The following UTRN variants were observed in gnomAD, a reference collection of about 807,000 sequenced individuals.
UTRN encodes utrophin.
In UTRN, 283 loss-of-function variants were observed where a neutral mutation model predicts 463.9. The ratio of observed to expected loss-of-function variants is 0.61; its 90% CI spans 0.55 to 0.67. The LOEUF is 0.67. Among genes scored for constraint, UTRN ranks in the 30% least tolerant of loss-of-function variants. The pLI is 0.00. For synonymous variants in UTRN, 1,442 were observed against 1,431.5 expected, an observed-to-expected ratio of 1.01 and a Z score of -0.17; for missense variants, 3,922 against 4,084.3, an observed-to-expected ratio of 0.96 and a Z score of 1.08.
chr6:144,692,034 C>T (rs567966044), intron 52 of UTRN, among the ~76,000 whole-genome samples: 1 of 152,256 alleles, frequency 6.6e-6, no homozygotes, highest in South Asian at 2.1e-4. Context: ...TGATCCTCTC[C>T]CTCCTCCCAT....
rs745457267 is a variant in UTRN, at chr6:144,827,647, C to G, written c.9570C>G (p.Thr3190=). 22 of 1,613,370 alleles carry G rather than the reference C, an allele frequency of 1.4e-5. No individual in the cohort carries two copies. In the Admixed American group the frequency reaches 2.0e-4, roughly 15 times the overall value. The change falls in exon 68 of 75, where the codon ACC becomes ACG. Residue 3190 remains threonine (T), a synonymous_variant. Transcript: ENST00000367545. ...CTCCTCAACTGTTTCATGATGACAC[C>G]CATTCAAGAATAGAACAATATGCCA... ...SQSPQLFHDD[T]HSRIEQYATR...
At chr6:144,610,759 T>C (rs921849211) in intron 51 of UTRN, among the ~76,000 whole-genome samples, 1 of 152,034 alleles carries the variant, frequency 6.6e-6, no homozygotes, top group Non-Finnish European at 1.5e-5. Flanking sequence ...CCTGTAATCC[T>C]AGCTACTTGA....
chr6:144,494,847 A>G (rs1452686575), intron 33 of UTRN, among the ~76,000 whole-genome samples: 2 of 151,462 alleles, frequency 1.3e-5, no homozygotes, highest in Non-Finnish European at 2.9e-5. Context: ...CAGAGTGCCA[A>G]TTGGTGTATT....
At chr6:144,618,136 A>G (rs1458130718) in intron 51 of UTRN, among the ~76,000 whole-genome samples, 1 of 152,192 alleles carries the variant, frequency 6.6e-6, no homozygotes, top group Non-Finnish European at 1.5e-5. Flanking sequence ...AGGTACAGAG[A>G]CCATTCAGAG....
At chr6:144,309,077 G>A (rs962030564) in intron 2 of UTRN, among the ~76,000 whole-genome samples, 11 of 152,024 alleles carry the variant, frequency 7.2e-5, no homozygotes, top group African/African-American at 2.7e-4. Context: ...CCTCTCAATA[G>A]CATCAACACT....
Position 144,531,212 on chromosome 6 carries a change from T to C in UTRN, c.6057+10T>C, listed in dbSNP as rs375761721. 2.4e-5 allele frequency: 38 copies of C among 1,613,450 alleles called. No individual in the cohort carries two copies. The highest frequency in any genetic ancestry group is 3.1e-5 in the Non-Finnish European group (36 of 1,179,622). On this transcript the variant is annotated intron_variant, in intron 42 of 74. Coordinates refer to ENST00000367545, the MANE Select transcript of UTRN (RefSeq NM_007124.3). The stretch of plus-strand genomic sequence containing the variant: ...CAGGATACATCAGCAGGTGAGTGCT[T>C]TCTGTTAGAGGAGGGGGACTGCACA...
chr6:144,587,541 C>A (rs1158299763), intron 51 of UTRN, among the ~76,000 whole-genome samples: 1 of 152,156 alleles, frequency 6.6e-6, no homozygotes, highest in African/African-American at 2.4e-5. Context: ...TTTTCATCTA[C>A]ATGTACAGCT....
intron 74 of UTRN, among the ~76,000 whole-genome samples, chr6:144,849,981 T>C (rs1043480064): frequency 1.3e-5 from 2 of 152,212 alleles, no homozygotes; most frequent in Non-Finnish European, 2.9e-5. Context: ...CATATTACAA[T>C]TGAATGAGGC....
At chr6:144,642,065 GAT>G (rs1217450983) in intron 51 of UTRN, among the ~76,000 whole-genome samples, 1 of 152,176 alleles carries the variant, frequency 6.6e-6, no homozygotes, top group Non-Finnish European at 1.5e-5. Context: ...AAAAGATGAT[GAT>G]ATTTTCTTAA....
intron 23 of UTRN, 65 bp from the exon 24 acceptor site, chr6:144,473,655 A>G: frequency 4.0e-6 from 5 of 1,256,740 alleles, no homozygotes; most frequent in Non-Finnish European, 5.7e-6. Flanking sequence ...GTGGCGGTAG[A>G]TCTTGAGATG....
At chr6:144,548,967 A>G in intron 47 of UTRN, 113 bp downstream of exon 47, 1 of 1,102,412 alleles carries the variant, frequency 9.1e-7, no homozygotes, top group Non-Finnish European at 1.3e-6. Flanking sequence ...GGTTTAAAAA[A>G]TTCTGTATCT....
rs1486234668 is a variant in UTRN, at chr6:144,474,708, G to T, written c.3285G>T (p.Val1095=). Residue 1095 remains valine, a synonymous_variant, in exon 25 of 75, where the codon GTG becomes GTT. Transcript: ENST00000367545. ...CAGTTGCTGGAATAAAAACTTGGGT[G>T]CAGACAAGACTAGGTGACTACCAAA... is the stretch of plus-strand genomic sequence containing the variant. ...SGPVAGIKTW[V]QTRLGDYQTQ... 3.7e-6 allele frequency: 6 copies of T among 1,614,078 alleles called. No homozygotes were observed. The South Asian group carries it at 6.6e-5, about 18-fold the overall frequency.
At chr6:144,539,492 T>C in intron 45 of UTRN, 49 bp downstream of exon 45, 1 of 1,516,074 alleles carries the variant, frequency 6.6e-7, no homozygotes, top group South Asian at 1.3e-5. Flanking sequence ...TTGATTTTGT[T>C]GTCAGAGATG....
At chr6:144,377,021 T>C (rs575322625) in intron 2 of UTRN, among the ~76,000 whole-genome samples, 1 of 152,312 alleles carries the variant, frequency 6.6e-6, no homozygotes, top group African/African-American at 2.4e-5. Context: ...TATTTTTCTA[T>C]ACCAAGTCAC....
At chr6:144,812,211 A>T (rs1778680253) in intron 65 of UTRN, among the ~76,000 whole-genome samples, 1 of 141,662 alleles carries the variant, frequency 7.1e-6, no homozygotes, top group South Asian at 2.2e-4. Flanking sequence ...ATTAGAAGTT[A>T]TTTACGGGAT....
chr6:144,482,230 C>T lies in UTRN; in HGVS notation c.3529C>T (p.Gln1177Ter). 1.3e-6 allele frequency: 2 copies of T among 1,501,180 alleles called. No homozygotes were observed. The highest frequency in any genetic ancestry group is 1.8e-6 in the Non-Finnish European group (2 of 1,120,354). 93.0% of individuals were successfully genotyped at this position (1,501,180 alleles called of 1,614,324 possible). The stretch of plus-strand genomic sequence containing the variant: ...ACAGAGGGCAAAAGAGGATGTGTTG[C>T]AGAAGGAGGTGAGAGTGAAGATTCT... ...EMKRAKEDVLQKEVRVKILKD... is the reference protein window; with the variant it reads ...EMKRAKEDVL The change falls in exon 27 of 75, where the codon CAG becomes TAG. Residue 1177 changes from glutamine (Q) to a stop codon, truncating the protein, a stop_gained. Transcript: ENST00000367545. LOFTEE classifies it high-confidence loss of function.
At chr6:144,736,918 A>G (rs1789478077) in intron 54 of UTRN, among the ~76,000 whole-genome samples, 1 of 151,886 alleles carries the variant, frequency 6.6e-6, no homozygotes, top group African/African-American at 2.4e-5. Context: ...CTGATTTCCA[A>G]CGCTTGCCTC....
intron 25 of UTRN, 66 bp from the exon 26 acceptor site, chr6:144,479,746 G>T (rs909952575): frequency 2.0e-5 from 31 of 1,522,234 alleles, no homozygotes; most frequent in Non-Finnish European, 2.1e-5. Context: ...TAAATATTAA[G>T]AGCTAAAACT....
intron 2 of UTRN, chr6:144,333,061 A>G (rs1426419378): frequency 6.6e-6 from 1 of 151,836 alleles, no homozygotes; most frequent in Non-Finnish European, 1.5e-5. Flanking sequence ...TAGTCTCCCA[A>G]GTAGCTGGGA....
Sources: allele counts gnomAD v4.1 joint callset (sites outside exome capture counted in the v4.1 genomes callset), GRCh38; gene constraint gnomAD v4.1.1; transcripts MANE v1.5; gene names NCBI Gene and HGNC (gene_info 2026-07-23, HGNC 2026-07-21).